SOX6: variants seen among roughly 807,000 people sequenced by gnomAD.
SOX6 encodes the protein transcription factor SOX-6.
A neutral mutation model predicts 97.8 loss-of-function variants in SOX6; 11 were observed. The observed-to-expected ratio is 0.11, with a 90% CI of 0.07 to 0.19. The LOEUF (loss-of-function observed/expected upper bound fraction) is 0.19, where lower values mean the gene tolerates loss of function less well. Among genes scored for constraint, SOX6 ranks in the 10% least tolerant of loss-of-function variants. SOX6 has a pLI of 1.00. For missense variants in SOX6, 810 were observed against 1,039.5 expected, an observed-to-expected ratio of 0.78 and a Z score of 3.04; for synonymous variants, 360 against 371.4, an observed-to-expected ratio of 0.97 and a Z score of 0.35.
intron 3 of SOX6, among the ~76,000 whole-genome samples, chr11:16,273,816 T>G (rs1220544042): frequency 6.6e-6 from 1 of 151,896 alleles, no homozygotes; most frequent in Non-Finnish European, 1.5e-5. Context: ...TTCTTAACAA[T>G]GAAATTCTGC....
intron 4 of SOX6, among the ~76,000 whole-genome samples, chr11:16,544,424 A>T (rs1253083595): frequency 1.3e-5 from 2 of 152,154 alleles, no homozygotes; most frequent in Middle Eastern, 6.8e-3. Context: ...ATGCCTGGCT[A>T]ATTTTTTAAA....
intron 6 of SOX6, among the ~76,000 whole-genome samples, chr11:16,143,149 T>G (rs1320295483): frequency 6.6e-6 from 1 of 152,130 alleles, no homozygotes; most frequent in Non-Finnish European, 1.5e-5. Context: ...TAACAGCGGA[T>G]CTCTCAGCAG....
At chr11:16,274,377 C>T (rs1383161091) in intron 3 of SOX6, among the ~76,000 whole-genome samples, 1 of 152,016 alleles carries the variant, frequency 6.6e-6, no homozygotes, top group South Asian at 2.1e-4. Context: ...TCCATATGCC[C>T]ACTCACTTAT....
intron 6 of SOX6, among the ~76,000 whole-genome samples, chr11:16,173,256 T>A (rs1851088379): frequency 6.6e-6 from 1 of 151,874 alleles, no homozygotes; most frequent in Non-Finnish European, 1.5e-5. Flanking sequence ...GGTCCACTGG[T>A]CTTTGAGAGG....
intron 2 of SOX6, among the ~76,000 whole-genome samples, chr11:16,319,925 T>C (rs1011368443): frequency 6.6e-6 from 1 of 152,160 alleles, no homozygotes; most frequent in South Asian, 2.1e-4. Context: ...AGGCTTATTA[T>C]AGAAATATTT....
chr11:16,314,818 T>G (rs2134295542), intron 3 of SOX6: 1 of 152,336 alleles, frequency 6.6e-6, no homozygotes, highest in Non-Finnish European at 1.5e-5. Flanking sequence ...CTTTTACGCT[T>G]ATCACTATTT....
rs778953956 is a variant in SOX6, at chr11:15,972,957, T to C, written c.2339A>G (p.Tyr780Cys). 1.9e-6 allele frequency: 3 copies of C among 1,614,204 alleles called. No individual in the cohort carries two copies. Among genetic ancestry groups the C allele is most frequent in the Non-Finnish European group, 1.7e-6 (2 of 1,180,028 alleles). Residue 780 changes from tyrosine (Y) to cysteine (C), a missense_variant, in exon 16 of 16, where the codon TAT becomes TGT. This residue lies in a region of SOX6 where 122 missense variants were observed against 153.4 expected (regional missense o/e 0.80). Coordinates refer to ENST00000683767, the MANE Select transcript of SOX6 (RefSeq NM_001367873.1). ...EPSLPVIQST[Y>C]GMKTDGGSLA... ...GCTTCCGCCATCTGTCTTCATACCA[T>C]AAGTGCTCTGGATGACCGGGAGGCT...
rs116418267 is a variant in SOX6 at position 16,545,043 on chromosome 11, C to G, written n.609+67038G>C. The stretch of plus-strand genomic sequence containing the variant: ...TTCAACACCAGCCTAGGCAAGAGAG[C>G]AAGACCCCATATCATTTTTTAAAAA... On this transcript the variant is annotated intron_variant and non_coding_transcript_variant, in intron 4 of 5. Transcript: ENST00000524520. Among the ~76,000 whole-genome samples the G allele has an allele frequency of 5.1e-3, 779 of 151,880 alleles. 7 individuals are homozygous for G. The highest frequency in any genetic ancestry group is 0.018 in the African/African-American group (740 of 41,468).
chr11:16,211,519 G>T (rs769037609), intron 4 of SOX6, among the ~76,000 whole-genome samples: 1 of 152,020 alleles, frequency 6.6e-6, no homozygotes, highest in South Asian at 2.1e-4. Context: ...AAAAGGGATA[G>T]TGCTGTATCC....
At position 16,111,630 on chromosome 11, in the gene SOX6, A is replaced by T. The variant is rs73417100; in HGVS notation, c.898+173T>A. Among the ~76,000 whole-genome samples, 671 of 152,318 alleles carry T rather than the reference A, an allele frequency of 4.4e-3. 6 individuals carry two copies. Among genetic ancestry groups the T allele is most frequent in the African/African-American group, 0.015 (636 of 41,568 alleles). ...GAGAAAGTAAAAGTTTTTAGCAACC[A>T]ATTAGTTTATTACAATGCCCACTCT... On this transcript the variant is annotated intron_variant, in intron 7 of 15. Transcript: ENST00000683767.
chr11:16,506,827 G>A (rs1430949480), intron 4 of SOX6, among the ~76,000 whole-genome samples: 2 of 152,134 alleles, frequency 1.3e-5, no homozygotes, highest in African/African-American at 4.8e-5. Flanking sequence ...ACTTTGGGAG[G>A]CCAAGGCGGG....
rs186884863 is a variant in SOX6 at position 16,450,847 on chromosome 11, A to G, written c.-5+25468T>C. ...GTTCACCAATAAAGCTAGGATCCAA[A>G]GCAAAGATGCATGGAAATAAATTAT... On this transcript the variant is annotated intron_variant, in intron 1 of 15. Coordinates refer to the SOX6 transcript ENST00000396356. Among the ~76,000 whole-genome samples the G allele has an allele frequency of 3.1e-3, 479 of 152,344 alleles. 1 individual carries two copies. Among genetic ancestry groups the G allele is most frequent in the Non-Finnish European group, 5.2e-3 (356 of 68,034 alleles).
intron 3 of SOX6, among the ~76,000 whole-genome samples, chr11:16,629,861 C>T (rs1848679539): frequency 6.6e-6 from 1 of 151,974 alleles, no homozygotes; most frequent in Admixed American, 6.6e-5. Context: ...TCAATTTCCT[C>T]TAGATTTGAT....
At chr11:16,170,545 C>T (rs569156773) in intron 6 of SOX6, among the ~76,000 whole-genome samples, 163 of 152,056 alleles carry the variant, frequency 1.1e-3, no homozygotes, top group African/African-American at 3.9e-3. Flanking sequence ...TGTAAAGTGA[C>T]GGTACATCTC....
chr11:16,412,418 T>C (rs2133057114), intron 1 of SOX6, among the ~76,000 whole-genome samples: 1 of 152,316 alleles, frequency 6.6e-6, no homozygotes, highest in East Asian at 1.9e-4. Context: ...GCTGTATGCA[T>C]TACAACACTC....
At chr11:16,555,231 C>A (rs966795084) in intron 4 of SOX6, among the ~76,000 whole-genome samples, 1 of 151,716 alleles carries the variant, frequency 6.6e-6, no homozygotes, top group Admixed American at 6.6e-5. Context: ...TTAACTTATA[C>A]ATAAAAAACA....
intron 4 of SOX6, among the ~76,000 whole-genome samples, chr11:16,193,601 G>T (rs1382497910): frequency 6.6e-6 from 1 of 152,192 alleles, no homozygotes; most frequent in Non-Finnish European, 1.5e-5. Flanking sequence ...GTTTAGAGTA[G>T]TGGGTAGGGG....
chr11:16,703,121 T>C (rs139564449), intron 3 of SOX6, among the ~76,000 whole-genome samples: 4 of 152,020 alleles, frequency 2.6e-5, no homozygotes, highest in South Asian at 2.1e-4. Context: ...ATAAGTTACA[T>C]AGTATATGCA....
At chr11:16,724,661 T>C (rs773389161) in intron 2 of SOX6, among the ~76,000 whole-genome samples, 10 of 152,338 alleles carry the variant, frequency 6.6e-5, no homozygotes, top group Non-Finnish European at 1.0e-4. Flanking sequence ...CCAATGCCCA[T>C]TAACGTTTGG....
Sources: allele counts gnomAD v4.1 joint callset (sites outside exome capture counted in the v4.1 genomes callset), GRCh38; gene constraint gnomAD v4.1.1; regional missense constraint gnomAD v4.1.1; transcripts MANE v1.5; gene names NCBI Gene and HGNC (gene_info 2026-07-23, HGNC 2026-07-21).